Variants in SLC25A12 observed in about 807,000 individuals in gnomAD.
The protein encoded by SLC25A12 is solute carrier family 25 member 12, also known as electrogenic aspartate/glutamate antiporter SLC25A12, mitochondrial.
In SLC25A12, 32 loss-of-function variants were observed where a neutral mutation model predicts 83.3. The ratio of observed to expected loss-of-function variants is 0.38; its 90% confidence interval spans 0.29 to 0.52. The LOEUF (loss-of-function observed/expected upper bound fraction) is 0.52, where lower values mean the gene tolerates loss of function less well. SLC25A12 is among the 20% of genes least tolerant of loss of function. The pLI is 0.84. For synonymous variants in SLC25A12, 267 were observed against 291.1 expected (o/e 0.92, Z 0.84); for missense variants, 611 against 835.6 (o/e 0.73, Z 3.31).
At chr2:171,821,737 A>AT (rs987255189) in intron 9 of SLC25A12, among the ~76,000 whole-genome samples, 1 of 152,156 alleles carries the variant, frequency 6.6e-6, no homozygotes, top group African/African-American at 2.4e-5. Context: ...CTGGATACAG[A>AT]TCCTCTATTA....
chr2:171,820,840 T>C (rs1275963768), intron 9 of SLC25A12, among the ~76,000 whole-genome samples: 3 of 151,722 alleles, frequency 2.0e-5, no homozygotes, highest in South Asian at 4.2e-4. Context: ...TTCAAAAATA[T>C]ACATCCTCTT....
At chr2:171,835,378 A>T (rs1247591015) in intron 6 of SLC25A12, among the ~76,000 whole-genome samples, 2 of 152,256 alleles carry the variant, frequency 1.3e-5, no homozygotes, top group Non-Finnish European at 2.9e-5. Context: ...AATACTTAAC[A>T]GTCTGTGCTA....
chr2:171,823,743 A>T (rs1684240595), intron 9 of SLC25A12, among the ~76,000 whole-genome samples: 1 of 152,138 alleles, frequency 6.6e-6, no homozygotes, highest in Non-Finnish European at 1.5e-5. Flanking sequence ...GGATTAATGT[A>T]AGCTTAGGAG....
At chr2:171,786,150 C>G (rs533089592) in intron 17 of SLC25A12, among the ~76,000 whole-genome samples, 1 of 151,240 alleles carries the variant, frequency 6.6e-6, no homozygotes, top group Non-Finnish European at 1.5e-5. Context: ...CCGAGGCAGG[C>G]GGATCATGAG....
At chr2:171,869,724 G>C (rs1685418247) in intron 2 of SLC25A12, among the ~76,000 whole-genome samples, 1 of 152,146 alleles carries the variant, frequency 6.6e-6, no homozygotes, top group African/African-American at 2.4e-5. Flanking sequence ...TCCTTGAGTT[G>C]CATCAGATTG....
Position 171,868,310 on chromosome 2 carries a change from A to T in SLC25A12, c.209+371T>A, listed in dbSNP as rs868167174. On this transcript the variant is annotated intron_variant, in intron 3 of 17. Transcript: ENST00000422440. ...CCGTAGGTAAGTTTGTGGGTTTTTT[A>T]ATTTTTTTTTTTTTTTTTTTGAGAC... Among the ~76,000 whole-genome samples the T allele has an allele frequency of 4.3e-4, 45 of 104,120 alleles. 1 individual carries two copies. In the South Asian group the frequency reaches 0.011, roughly 25 times the overall value. The allele number at this position is 104,120 out of a possible 152,430, so 68.3% of individuals were successfully genotyped here.
At chr2:171,839,507 A>C (rs1334713116) in intron 5 of SLC25A12, among the ~76,000 whole-genome samples, 1 of 152,230 alleles carries the variant, frequency 6.6e-6, no homozygotes, top group Non-Finnish European at 1.5e-5. Flanking sequence ...TTATGAGATG[A>C]AAATTAGCAG....
At chr2:171,803,705 G>A (rs1397514052) in intron 13 of SLC25A12, among the ~76,000 whole-genome samples, 1 of 152,200 alleles carries the variant, frequency 6.6e-6, no homozygotes, top group Non-Finnish European at 1.5e-5. Context: ...AAGATCACTT[G>A]AGGCCAGGAG....
chr2:171,807,668 G>A (rs917602392), intron 13 of SLC25A12, among the ~76,000 whole-genome samples: 7 of 152,118 alleles, frequency 4.6e-5, no homozygotes, highest in Admixed American at 2.6e-4. Flanking sequence ...GCAAAGGTTC[G>A]CTCTCTAGAT....
chr2:171,844,341 T>C lies in SLC25A12; in HGVS notation c.465+28A>G, dbSNP rs761804549. The C allele has an allele frequency of 2.5e-6, 4 of 1,608,970 alleles. No individual in the cohort carries two copies. The South Asian group carries it at 4.4e-5, about 18-fold the overall frequency. ...AAGGACACAGAAGAATAGTATATAT[T>C]GATACCTGTTATGAAAACTAAGCTC... On this transcript the variant is annotated intron_variant, in intron 5 of 17. Transcript: ENST00000422440.
rs780727439 is a variant in SLC25A12, at chr2:171,813,437, C to T, written c.1073G>A (p.Arg358His). Residue 358 changes from arginine (R) to histidine (H), a missense_variant, in exon 11 of 18, where the codon CGT becomes CAT. Physicochemically the swap from Arg to His is conservative, Grantham distance 29. Transcript: ENST00000422440. The part of the protein sequence containing the change: ...DLVKTRMQNQ[R>H]GSGSVVGELM... Reference sequence around the variant, plus strand: ...CTCCCCAACAACAGAGCCAGAGCCACGCTGGTTTTGCATTCGGGTCTTCAC... The same window carrying T: ...CTCCCCAACAACAGAGCCAGAGCCATGCTGGTTTTGCATTCGGGTCTTCAC... 7 of 1,614,064 alleles carry T rather than the reference C, an allele frequency of 4.3e-6. No individual in the cohort carries two copies. Among genetic ancestry groups the T allele is most frequent in the Admixed American group, 1.7e-5 (1 of 59,998 alleles).
At chr2:171,855,600 A>G (rs527267817) in intron 4 of SLC25A12, among the ~76,000 whole-genome samples, 14 of 152,350 alleles carry the variant, frequency 9.2e-5, no homozygotes, top group African/African-American at 3.1e-4. Flanking sequence ...AGGAATGTAA[A>G]GTGTCAGTGA....
intron 4 of SLC25A12, among the ~76,000 whole-genome samples, chr2:171,851,208 T>C (rs1022646423): frequency 1.3e-5 from 2 of 151,892 alleles, no homozygotes; most frequent in Admixed American, 6.6e-5. Context: ...TGTTTTTTTT[T>C]TTGGAGACGG....
chr2:171,867,330 C>T (rs1685353949), intron 3 of SLC25A12, among the ~76,000 whole-genome samples: 1 of 151,710 alleles, frequency 6.6e-6, no homozygotes. Flanking sequence ...CACTGCACTC[C>T]AGCCTGGGCA....
chr2:171,789,430 G>T (rs552016882), intron 15 of SLC25A12, among the ~76,000 whole-genome samples: 2 of 152,082 alleles, frequency 1.3e-5, no homozygotes, highest in South Asian at 2.1e-4. Flanking sequence ...GGGTTTCACC[G>T]TGTTAGCCAG....
At position 171,815,222 on chromosome 2, in the gene SLC25A12, T is replaced by G. The variant is rs1484130163; in HGVS notation, c.931-20A>C. On this transcript the variant is annotated intron_variant, in intron 9 of 17. Transcript: ENST00000422440. ...AGACTGCTGCAGAGAAGAAAACGGG[T>G]AAAAAAAAATCTTGAAAGCGCACAC... 3 of 1,579,582 alleles carry G rather than the reference T, an allele frequency of 1.9e-6. No homozygotes were observed. Among genetic ancestry groups the G allele is most frequent in the Admixed American group, 1.7e-5 (1 of 59,660 alleles).
At chr2:171,854,435 C>T (rs1472230709) in intron 4 of SLC25A12, among the ~76,000 whole-genome samples, 1 of 152,052 alleles carries the variant, frequency 6.6e-6, no homozygotes, top group East Asian at 1.9e-4. Flanking sequence ...GGCATGGTGG[C>T]GCATGCCTGT....
chr2:171,865,141 T>C (rs1685259184), intron 3 of SLC25A12, among the ~76,000 whole-genome samples: 1 of 152,132 alleles, frequency 6.6e-6, no homozygotes, highest in African/African-American at 2.4e-5. Context: ...CCAAGAACAG[T>C]ACCTGAGGCA....
Position 171,819,169 on chromosome 2 carries a change from G to A in SLC25A12, c.931-3967C>T, listed in dbSNP as rs1398880515. ...ATATAAAATATATGATATATAATAC[G>A]TATTATATATGTATAATACGTATTA... On this transcript the variant is annotated intron_variant, in intron 9 of 17. Transcript: ENST00000422440. Among the ~76,000 whole-genome samples the A allele has an allele frequency of 1.3e-4, 17 of 127,948 alleles. No homozygotes were observed. The East Asian group carries it at 1.7e-3, about 13-fold the overall frequency. 83.9% of individuals were successfully genotyped at this position (127,948 alleles called of 152,430 possible).
Sources: gnomAD v4.1 joint callset for allele counts (sites outside exome capture counted in the v4.1 genomes callset) on GRCh38, gnomAD v4.1.1 for gene constraint, MANE v1.5 for transcripts, NCBI Gene and HGNC (gene_info 2026-07-23, HGNC 2026-07-21) for gene names.